NQO2: variants seen among roughly 807,000 people sequenced by gnomAD.
The protein encoded by NQO2 is N-ribosyldihydronicotinamide:quinone dehydrogenase 2.
Under a neutral mutation model 22.0 loss-of-function variants are expected in NQO2, and 18 were observed. The observed-to-expected ratio is 0.82, with a 90% CI of 0.56 to 1.21. The LOEUF (loss-of-function observed/expected upper bound fraction) is 1.21. Among genes scored for constraint, NQO2 ranks in the 50% most tolerant of loss-of-function variants. The probability of loss-of-function intolerance (pLI) is 0.00; values close to 1 mark genes in which losing one functional copy is unlikely to be tolerated. For missense variants in NQO2, 267 were observed against 286.9 expected, an observed-to-expected ratio of 0.93 and a Z score of 0.50; for synonymous variants, 106 against 110.8, an observed-to-expected ratio of 0.96 and a Z score of 0.28.
At chr6:3,013,917 C>T (rs1224052047) in intron 4 of NQO2, among the ~76,000 whole-genome samples, 1 of 152,192 alleles carries the variant, frequency 6.6e-6, no homozygotes, top group Admixed American at 6.5e-5. Flanking sequence ...CCCATCTGCT[C>T]CTTTCTGCCT....
intron 1 of NQO2, among the ~76,000 whole-genome samples, chr6:3,001,746 G>T (rs1457635289): frequency 1.3e-5 from 2 of 152,152 alleles, no homozygotes; most frequent in East Asian, 3.8e-4. Flanking sequence ...TAATGTACAC[G>T]TCAAAAATAT....
Position 3,010,014 on chromosome 6 carries a change from T to C in NQO2, c.8-11T>C. The C allele has an allele frequency of 6.2e-7, 1 of 1,603,668 alleles. No individual in the cohort carries two copies. The highest frequency in any genetic ancestry group is 8.5e-7 in the Non-Finnish European group (1 of 1,174,448). On this transcript the variant is annotated splice_polypyrimidine_tract_variant and intron_variant, in intron 2 of 6. Transcript: ENST00000380455. ...GTTCTTCAAGAGGAACTGTTTCTTA[T>C]CCTGATTTAGGTAAGAAAGTACTCA...
At chr6:3,019,359 GGTT>G in intron 6 of NQO2, 117 bp from the exon 7 acceptor site, 2 of 1,452,194 alleles carry the variant, frequency 1.4e-6, no homozygotes, top group East Asian at 2.3e-5. Flanking sequence ...GTAACATTAA[GGTT>G]GTTTCATGAT....
At chr6:3,018,165 T>C (rs1561718258) in intron 6 of NQO2, among the ~76,000 whole-genome samples, 2 of 152,214 alleles carry the variant, frequency 1.3e-5, no homozygotes, top group Admixed American at 6.5e-5. Context: ...TTTGCTGTTT[T>C]CTCCTCCTAA....
chr6:3,012,748 G>C (rs1757179764), intron 4 of NQO2, 74 bp downstream of exon 4: 1 of 1,474,438 alleles, frequency 6.8e-7, no homozygotes, highest in Middle Eastern at 1.8e-4. Flanking sequence ...ATTGAGTTTT[G>C]TGCTGCTTCT....
chr6:3,019,594 TGC>T lies in NQO2; in HGVS notation c.636_637del (p.Gln213AspfsTer28), dbSNP rs1483034364. On this transcript the variant is annotated frameshift_variant, in exon 7 of 7. Transcript: ENST00000380455. LOFTEE classifies it high-confidence loss of function. The stretch of plus-strand genomic sequence containing the variant: ...ATGGTGGCTGCGTGGTCCCAGAGGC[TGC>T]AGACCATCTGGAAGGAAGAGCCCAT... 12 of 1,614,046 alleles carry T rather than the reference TGC, an allele frequency of 7.4e-6. No homozygotes were observed. Among genetic ancestry groups the T allele is most frequent in the Non-Finnish European group, 1.0e-5 (12 of 1,180,028 alleles).
chr6:3,017,466 A>T (rs1416717636), intron 6 of NQO2, among the ~76,000 whole-genome samples: 1 of 152,156 alleles, frequency 6.6e-6, no homozygotes, highest in South Asian at 2.1e-4. Context: ...TCTGCTGGCC[A>T]TGCCAACCCC....
intron 4 of NQO2, chr6:3,015,010 C>A: frequency 1.0e-6 from 1 of 976,790 alleles, no homozygotes; most frequent in Non-Finnish European, 1.4e-6. Flanking sequence ...CCTTCCCAGG[C>A]GGTAACACTG....
In NQO2 at chr6:3,015,540, A is replaced by T; in HGVS notation, c.314A>T (p.Tyr105Phe). Residue 105 changes from tyrosine to phenylalanine, a missense_variant, in exon 5 of 7, where the codon TAC (tyrosine) becomes TTC (phenylalanine). Tyr to Phe is a conservative substitution (Grantham distance 22). Coordinates refer to ENST00000380455, the MANE Select transcript of NQO2 (RefSeq NM_000904.6). ...ADLVIFQFPL[Y>F]WFSVPAILKG... is the part of the protein sequence containing the mutation. ...TGTTGCCGCCCACAGTTCCCGCTGT[A>T]CTGGTTCAGCGTGCCAGCCATCCTG... 1 of 1,614,058 alleles carries T rather than the reference A, an allele frequency of 6.2e-7. No individual in the cohort carries two copies. Among genetic ancestry groups the T allele is most frequent in the Non-Finnish European group, 8.5e-7 (1 of 1,179,992 alleles).
chr6:3,002,324 T>G (rs891925662), intron 1 of NQO2: 1 of 819,468 alleles, frequency 1.2e-6, no homozygotes, highest in Non-Finnish European at 1.5e-6. Flanking sequence ...CTTTTTCTTT[T>G]TTGAGACAGA....
At chr6:3,016,759 C>T (rs748462679) in intron 5 of NQO2, 125 bp from the exon 6 acceptor site, 27 of 1,481,512 alleles carry the variant, frequency 1.8e-5, no homozygotes, top group East Asian at 7.5e-5. Context: ...TGCATTTGTC[C>T]ATCCCTGGAG....
intron 4 of NQO2, 77 bp from the exon 5 acceptor site, chr6:3,015,453 G>T (rs747281699): frequency 3.9e-6 from 6 of 1,544,416 alleles, no homozygotes; most frequent in African/African-American, 1.4e-5. Flanking sequence ...GCTTCATTCC[G>T]AATCACCAGA....
At chr6:3,016,465 A>G (rs1757332535) in intron 5 of NQO2, among the ~76,000 whole-genome samples, 1 of 151,160 alleles carries the variant, frequency 6.6e-6, no homozygotes, top group African/African-American at 2.4e-5. Flanking sequence ...CGATTTTTAA[A>G]TTCTAAAAGC....
At chr6:3,011,503 T>C (rs1457024495) in intron 3 of NQO2, among the ~76,000 whole-genome samples, 1 of 152,164 alleles carries the variant, frequency 6.6e-6, no homozygotes, top group Non-Finnish European at 1.5e-5. Flanking sequence ...AAGAGGAAGC[T>C]GAGCAAGAGC....
intron 4 of NQO2, among the ~76,000 whole-genome samples, chr6:3,013,699 A>G (rs1757224822): frequency 6.6e-6 from 1 of 152,072 alleles, no homozygotes; most frequent in Non-Finnish European, 1.5e-5. Context: ...TCATCAGGCC[A>G]CTTCCCGCCA....
rs1757462424 is a variant in NQO2, at chr6:3,019,492, A to G, written c.533A>G (p.His178Arg). Residue 178 changes from histidine (H) to arginine (R), a missense_variant, in exon 7 of 7, where the codon CAC (histidine) becomes CGC (arginine). His to Arg is a conservative substitution (Grantham distance 29). Transcript: ENST00000380455. ...FLWPLQHGTL[H>R]FCGFKVLAPQ... ...CTGTGGCTTTAGCATGGCACATTACACTTCTGTGGATTTAAAGTCCTTGCC... is the reference window on the plus strand; with the variant it reads ...CTGTGGCTTTAGCATGGCACATTACGCTTCTGTGGATTTAAAGTCCTTGCC... 3 of 1,613,758 alleles carry G rather than the reference A, an allele frequency of 1.9e-6. No homozygotes were observed. The highest frequency in any genetic ancestry group is 2.7e-5 in the African/African-American group (2 of 74,990).
At chr6:3,009,033 GT>G (rs1757053057) in intron 2 of NQO2, among the ~76,000 whole-genome samples, 1 of 152,170 alleles carries the variant, frequency 6.6e-6, no homozygotes, top group Non-Finnish European at 1.5e-5. Flanking sequence ...AGGAGCCAGG[GT>G]TTGAGAGCAG....
chr6:3,001,445 T>G (rs7773584), intron 1 of NQO2, among the ~76,000 whole-genome samples: 1,952 of 152,148 alleles, frequency 0.013, 47 homozygotes, highest in African/African-American at 0.043. Context: ...ACCTTTAATC[T>G]CCGAAGATCA....
chr6:3,005,340 C>T (rs901948280), intron 1 of NQO2, among the ~76,000 whole-genome samples: 24 of 152,192 alleles, frequency 1.6e-4, no homozygotes, highest in African/African-American at 5.8e-4. Context: ...TCTCCAGCAG[C>T]GGCAGCACTC....
Sources: gnomAD v4.1 joint callset for allele counts (sites outside exome capture counted in the v4.1 genomes callset) on GRCh38, gnomAD v4.1.1 for gene constraint, MANE v1.5 for transcripts, NCBI Gene and HGNC (gene_info 2026-07-23, HGNC 2026-07-21) for gene names.